The following DNAH8 variants were observed in gnomAD, a reference collection of about 807,000 sequenced individuals.
The protein encoded by DNAH8 is dynein axonemal heavy chain 8.
DNAH8 carries 382 observed loss-of-function variants against 562.1 expected under a neutral mutation model. That is an observed-to-expected ratio of 0.68 (90% CI 0.63 to 0.74). The LOEUF (loss-of-function observed/expected upper bound fraction) is 0.74, where lower values mean the gene tolerates loss of function less well. DNAH8 is among the 30% of genes least tolerant of loss of function. DNAH8 has a pLI of 0.00. For synonymous variants in DNAH8, 1,881 were observed against 1,919.4 expected, an observed-to-expected ratio of 0.98 and a Z score of 0.52; for missense variants, 5,203 against 5,620.4, an observed-to-expected ratio of 0.93 and a Z score of 2.37.
Position 38,770,579 on chromosome 6 carries a change from C to A in DNAH8, c.1764+20C>A. 6.4e-7 allele frequency: 1 copy of A among 1,561,962 alleles called. No homozygotes were observed. ...GAGAAGGTAAGCATTATGCAGTCAT[C>A]GTACCCCACTCCACACCACACCTTT... is the stretch of plus-strand genomic sequence containing the variant. On this transcript the variant is annotated intron_variant, in intron 12 of 92. Coordinates refer to ENST00000327475, the MANE Select transcript of DNAH8 (RefSeq NM_001206927.2).
intron 44 of DNAH8, 82 bp downstream of exon 44, chr6:38,862,540 G>A: frequency 6.8e-7 from 1 of 1,469,482 alleles, no homozygotes. Context: ...TAAATCCAAA[G>A]TGACGTGATC....
chr6:38,967,856 A>G (rs1763074766), intron 82 of DNAH8, among the ~76,000 whole-genome samples: 1 of 152,202 alleles, frequency 6.6e-6, no homozygotes, highest in Non-Finnish European at 1.5e-5. Context: ...TATAGGACTT[A>G]TGCTTCCCAA....
At chr6:38,921,270 C>A in intron 70 of DNAH8, 99 bp from the exon 71 acceptor site, 1 of 1,388,796 alleles carries the variant, frequency 7.2e-7, no homozygotes, top group Non-Finnish European at 9.8e-7. Context: ...GCTCGAAAGT[C>A]CCGTCTAGTG....
At chr6:38,848,906 T>C in intron 37 of DNAH8, 105 bp downstream of exon 37, 1 of 1,144,994 alleles carries the variant, frequency 8.7e-7, no homozygotes, top group South Asian at 1.5e-5. Flanking sequence ...TTGACTATGA[T>C]GGGGTTTGGC....
chr6:38,794,861 C>G (rs1029470231), intron 21 of DNAH8, among the ~76,000 whole-genome samples: 2 of 38,920 alleles, frequency 5.1e-5, no homozygotes, highest in Non-Finnish European at 4.9e-5. Context: ...ACTAAGAATT[C>G]TTGTAAATTT....
intron 26 of DNAH8, among the ~76,000 whole-genome samples, chr6:38,821,028 G>A (rs1365250526): frequency 1.3e-5 from 2 of 152,088 alleles, no homozygotes. Context: ...ACACAGATGG[G>A]AAGGGAAAAA....
chr6:38,940,664 G>A (rs554603318), intron 79 of DNAH8, among the ~76,000 whole-genome samples: 5 of 152,200 alleles, frequency 3.3e-5, no homozygotes, highest in South Asian at 2.1e-4. Flanking sequence ...TGTCACTTAC[G>A]CTCCTATTTC....
At chr6:38,799,738 G>A (rs34624846) in intron 21 of DNAH8, among the ~76,000 whole-genome samples, 51,051 of 151,724 alleles carry the variant, frequency 0.34, 9,233 homozygotes, top group Admixed American at 0.41. Context: ...AAGAAACTTC[G>A]TCCTCATTAG....
At chr6:38,906,446 A>G in intron 63 of DNAH8, 39 bp downstream of exon 63, 2 of 1,435,908 alleles carry the variant, frequency 1.4e-6, no homozygotes, top group Non-Finnish European at 9.3e-7. Flanking sequence ...ATATTGTAAA[A>G]ATATAAATTA....
chr6:38,815,613 AC>A lies in DNAH8; in HGVS notation c.3480del (p.Asp1160GlufsTer2). The A allele has an allele frequency of 6.2e-7, 1 of 1,613,922 alleles. No homozygotes were observed. ...GTCATTCCCAGCCCCACCACTACTGACGTGACCCATCAAAACACAGGAAAAC... is the reference window on the plus strand; with the variant it reads ...GTCATTCCCAGCCCCACCACTACTGAGTGACCCATCAAAACACAGGAAAAC... Reference protein sequence around the residue: ...KSVIPSPTTTDVTHQNTGKLL... With the variant: ...KSVIPSPTTTXVTHQNTGKLL... On this transcript the variant is annotated frameshift_variant, in exon 26 of 93. Coordinates refer to ENST00000327475, the MANE Select transcript of DNAH8 (RefSeq NM_001206927.2). LOFTEE classifies it high-confidence loss of function.
At chr6:38,780,605 CCACATGTTCT>C (rs1268795595) in intron 15 of DNAH8, among the ~76,000 whole-genome samples, 1 of 152,056 alleles carries the variant, frequency 6.6e-6, no homozygotes, top group African/African-American at 2.4e-5. Context: ...AAACCGAATA[CCACATGTTCT>C]CACTTATAAG....
chr6:38,883,999 G>A lies in DNAH8; in HGVS notation c.8259+1G>A. 2.0e-6 allele frequency: 3 copies of A among 1,537,924 alleles called. No individual in the cohort carries two copies. Among genetic ancestry groups the A allele is most frequent in the Non-Finnish European group, 2.6e-6 (3 of 1,138,964 alleles). On this transcript the variant is annotated splice_donor_variant, in intron 56 of 92. Transcript: ENST00000327475. LOFTEE classifies it high-confidence loss of function. ...TGTGATTAATGAGTGGGGAGATCAGGTATGGCTGAAATATCTCATATAGAT... is the reference window on the plus strand; with the variant it reads ...TGTGATTAATGAGTGGGGAGATCAGATATGGCTGAAATATCTCATATAGAT...
At chr6:38,884,130 T>A (rs1778729496) in intron 56 of DNAH8, 132 bp downstream of exon 56, 3 of 485,954 alleles carry the variant, frequency 6.2e-6, no homozygotes, top group African/African-American at 6.2e-5. Flanking sequence ...CTCAGTCTTT[T>A]TCTGACTTCT....
chr6:38,783,399 T>C (rs954405372), intron 17 of DNAH8, among the ~76,000 whole-genome samples: 1 of 152,168 alleles, frequency 6.6e-6, no homozygotes, highest in African/African-American at 2.4e-5. Context: ...AGTAAAAATA[T>C]CTTTAGGGAT....
Position 38,984,313 on chromosome 6 carries a change from T to C in DNAH8, c.13053+6T>C, listed in dbSNP as rs1365047835. The C allele has an allele frequency of 1.9e-6, 3 of 1,571,944 alleles. No homozygotes were observed. The highest frequency in any genetic ancestry group is 2.6e-6 in the Non-Finnish European group (3 of 1,141,600). ...TACTTAATTGCTTTGCCAGAGTAAG[T>C]CAATTTAGAAAAATAAAGTTTGGAG... On this transcript the variant is annotated splice_donor_region_variant and intron_variant, in intron 87 of 92. Transcript: ENST00000327475.
intron 82 of DNAH8, among the ~76,000 whole-genome samples, chr6:38,970,834 CATG>C (rs1389919162): frequency 6.6e-6 from 1 of 152,204 alleles, no homozygotes; most frequent in African/African-American, 2.4e-5. Context: ...GTTGTGCAAA[CATG>C]ATTCTCAGAC....
At chr6:38,890,998 C>T (rs778309561) in intron 58 of DNAH8, among the ~76,000 whole-genome samples, 20 of 152,152 alleles carry the variant, frequency 1.3e-4, no homozygotes, top group Admixed American at 3.3e-4. Flanking sequence ...ACATCCAAGA[C>T]AAAGTAGAAT....
Position 38,842,775 on chromosome 6 carries a change from G to T in DNAH8, c.4717G>T (p.Ala1573Ser). 2 of 1,613,898 alleles carry T rather than the reference G, an allele frequency of 1.2e-6. No homozygotes were observed. The highest frequency in any genetic ancestry group is 1.7e-5 in the Admixed American group (1 of 60,006). The change falls in exon 35 of 93, where the codon GCC (alanine) becomes TCC (serine). Residue 1573 changes from alanine to serine, a missense_variant. Transcript: ENST00000327475. ...CPLLEMMTNK[A>S]MKQRHWDRIS... ...TCTACTGGAAATGATGACCAATAAGGCCATGAAACAGAGACACTGGGATAG... is the reference window on the plus strand; with the variant it reads ...TCTACTGGAAATGATGACCAATAAGTCCATGAAACAGAGACACTGGGATAG...
At chr6:38,924,912 C>G (rs1781990928) in intron 73 of DNAH8, 1 of 152,196 alleles carries the variant, frequency 6.6e-6, no homozygotes, top group African/African-American at 2.4e-5. Context: ...TTCATACTAA[C>G]CTTCCTTGCT....
Sources: gnomAD v4.1 joint callset for allele counts (sites outside exome capture counted in the v4.1 genomes callset) on GRCh38, gnomAD v4.1.1 for gene constraint, MANE v1.5 for transcripts, NCBI Gene and HGNC (gene_info 2026-07-23, HGNC 2026-07-21) for gene names.